The following TRAT1 variants were observed in gnomAD, a reference collection of about 807,000 sequenced individuals.
TRAT1 encodes the protein T-cell receptor-associated transmembrane adapter 1.
TRAT1 carries 20 observed loss-of-function variants against 20.0 expected under a neutral mutation model. The ratio of observed to expected loss-of-function variants is 1.00; its 90% CI spans 0.70 to 1.45. The LOEUF (loss-of-function observed/expected upper bound fraction) is 1.45, where lower values mean the gene tolerates loss of function less well. Ranked by LOEUF, TRAT1 falls within the 40% of genes most tolerant of loss-of-function variation. The pLI is 0.00. For missense variants in TRAT1, 237 were observed against 224.1 expected, an observed-to-expected ratio of 1.06 and a Z score of -0.37; for synonymous variants, 77 against 74.2, an observed-to-expected ratio of 1.04 and a Z score of -0.20.
intron 1 of TRAT1, 28 bp from the exon 2 acceptor site, chr3:108,830,642 T>C: frequency 7.0e-7 from 1 of 1,438,130 alleles, no homozygotes; most frequent in Non-Finnish European, 9.8e-7. Flanking sequence ...AGCTGTTATA[T>C]TATGTGTATG....
At chr3:108,848,768 T>C (rs1016068489) in intron 4 of TRAT1, among the ~76,000 whole-genome samples, 1 of 152,256 alleles carries the variant, frequency 6.6e-6, no homozygotes, top group African/African-American at 2.4e-5. Context: ...TAATCACTGA[T>C]GTATGTGCAC....
At position 108,837,780 on chromosome 3, in the gene TRAT1, T is replaced by C. The variant is rs149274916; in HGVS notation, c.119-1154T>C. ...CATTGTGCTGTATGTGTGCATCTAG[T>C]TCAACAGTAAAGAAAATTTACTGAT... On this transcript the variant is annotated intron_variant, in intron 2 of 5. Coordinates refer to ENST00000295756, the MANE Select transcript of TRAT1 (RefSeq NM_016388.4). 2.0e-4 allele frequency among the ~76,000 whole-genome samples: 30 copies of C among 152,292 alleles called. 1 individual carries two copies. In the East Asian group the frequency reaches 5.4e-3, roughly 27 times the overall value.
At chr3:108,838,832 T>A (rs1945865236) in intron 2 of TRAT1, 102 bp from the exon 3 acceptor site, 2 of 887,546 alleles carry the variant, frequency 2.3e-6, no homozygotes, top group Admixed American at 3.7e-5. Context: ...TCAAATATAT[T>A]AATTGACATT....
chr3:108,854,097 C>A lies in TRAT1; in HGVS notation c.*220C>A. On this transcript the variant is annotated 3_prime_UTR_variant, in exon 6 of 6. Transcript: ENST00000295756. The stretch of plus-strand genomic sequence containing the variant: ...AAATAACTTAAAAAATGCTTTACTA[C>A]TAAAATGTAAAAAATTAATGTGCTC... The A allele has an allele frequency of 2.2e-6, 1 of 452,134 alleles. No homozygotes were observed. The highest frequency in any genetic ancestry group is 5.1e-5 in the South Asian group (1 of 19,652). 28.0% of individuals were successfully genotyped at this position (452,134 alleles called of 1,614,324 possible). A position where few individuals can be genotyped will look rare whatever the true frequency, so the allele number is the denominator to read the frequency against.
intron 3 of TRAT1, among the ~76,000 whole-genome samples, chr3:108,840,861 A>C (rs1027419457): frequency 6.6e-5 from 10 of 152,242 alleles, no homozygotes; most frequent in Non-Finnish European, 1.0e-4. Flanking sequence ...ATAGTTCCCC[A>C]AGCCTCAGAA....
chr3:108,836,270 TA>T (rs1258172199), intron 2 of TRAT1, among the ~76,000 whole-genome samples: 24 of 152,306 alleles, frequency 1.6e-4, no homozygotes, highest in African/African-American at 5.1e-4. Flanking sequence ...CCAGCGTTCA[TA>T]CTTCAAGCAC....
At chr3:108,848,430 A>T (rs924099872) in intron 4 of TRAT1, among the ~76,000 whole-genome samples, 4 of 152,344 alleles carry the variant, frequency 2.6e-5, no homozygotes, top group Admixed American at 2.6e-4. Context: ...CTGTCAGGTT[A>T]CTGGCCATCC....
At chr3:108,840,904 C>T (rs1270263690) in intron 3 of TRAT1, among the ~76,000 whole-genome samples, 1 of 152,264 alleles carries the variant, frequency 6.6e-6, no homozygotes, top group Non-Finnish European at 1.5e-5. Context: ...ACTCATCTTC[C>T]TGTTCCCCAC....
chr3:108,828,540 T>C (rs574600655), intron 1 of TRAT1, among the ~76,000 whole-genome samples: 2 of 152,268 alleles, frequency 1.3e-5, no homozygotes, highest in Admixed American at 6.5e-5. Flanking sequence ...AGCAAAAATG[T>C]ACCAGTTCTT....
intron 3 of TRAT1, among the ~76,000 whole-genome samples, chr3:108,840,859 C>G (rs778793399): frequency 8.5e-5 from 13 of 152,204 alleles, no homozygotes; most frequent in Non-Finnish European, 1.9e-4. Context: ...AGATAGTTCC[C>G]CAAGCCTCAG....
rs540426937 is a variant in TRAT1 at position 108,844,210 on chromosome 3, C to T, written c.153-2858C>T. Among the ~76,000 whole-genome samples, 5 of 152,196 alleles carry T rather than the reference C, an allele frequency of 3.3e-5. No individual in the cohort carries two copies. In the South Asian group the frequency reaches 1.0e-3, roughly 32 times the overall value. ...GGAATCCTGCATTTGTATTCTAGAA[C>T]TTGGGAACTGAAAAGAACAATAGAA... On this transcript the variant is annotated intron_variant, in intron 3 of 5. Transcript: ENST00000295756.
chr3:108,850,587 A>C (rs1945990121), intron 5 of TRAT1, among the ~76,000 whole-genome samples: 1 of 152,224 alleles, frequency 6.6e-6, no homozygotes, highest in South Asian at 2.1e-4. Flanking sequence ...TACAGGCATG[A>C]GCCATCGTGC....
At chr3:108,846,877 G>A (rs541572906) in intron 3 of TRAT1, among the ~76,000 whole-genome samples, 191 bp from the exon 4 acceptor site, 9 of 152,000 alleles carry the variant, frequency 5.9e-5, no homozygotes, top group Non-Finnish European at 1.2e-4. Flanking sequence ...AAATTCACAC[G>A]GAACACAGAT....
At position 108,822,914 on chromosome 3, in the gene TRAT1, TG is replaced by T; in HGVS notation, c.-13del. ...TCTTATGGCTAGATAAAGATTTCTC[TG>T]AAAAAAAGAAGCATGTCAGGTAAGT... On this transcript the variant is annotated 5_prime_UTR_variant, in exon 1 of 6. Transcript: ENST00000295756. 1 of 1,607,880 alleles carries T rather than the reference TG, an allele frequency of 6.2e-7. No individual in the cohort carries two copies. Among genetic ancestry groups the T allele is most frequent in the Non-Finnish European group, 8.5e-7 (1 of 1,175,876 alleles).
At chr3:108,830,478 G>A (rs998345879) in intron 1 of TRAT1, among the ~76,000 whole-genome samples, 192 bp from the exon 2 acceptor site, 4 of 152,146 alleles carry the variant, frequency 2.6e-5, no homozygotes, top group African/African-American at 9.7e-5. Context: ...TTTTGCCCAT[G>A]CTGAATTCAG....
chr3:108,838,348 T>A (rs1303288545), intron 2 of TRAT1, among the ~76,000 whole-genome samples: 2 of 39,834 alleles, frequency 5.0e-5, no homozygotes, highest in East Asian at 5.1e-4. Context: ...ATGATAGATA[T>A]AGATAGATGA....
intron 2 of TRAT1, among the ~76,000 whole-genome samples, chr3:108,833,821 C>T (rs1348633640): frequency 6.6e-6 from 1 of 151,952 alleles, no homozygotes; most frequent in Non-Finnish European, 1.5e-5. Flanking sequence ...CACACACACA[C>T]ACACACACAC....
chr3:108,844,608 G>A lies in TRAT1; in HGVS notation c.153-2460G>A, dbSNP rs184610093. Among the ~76,000 whole-genome samples the A allele has an allele frequency of 1.9e-3, 285 of 151,740 alleles. 2 individuals are homozygous for A. Among genetic ancestry groups the A allele is most frequent in the African/African-American group, 6.6e-3 (276 of 41,508 alleles). Reference sequence around the variant, plus strand: ...GCCTATAATCCCAGCACTTTGGGAGGCCGAGGCGGGCAGATAATGAGGTCA... The same window carrying A: ...GCCTATAATCCCAGCACTTTGGGAGACCGAGGCGGGCAGATAATGAGGTCA... On this transcript the variant is annotated intron_variant, in intron 3 of 5. Coordinates refer to ENST00000295756, the MANE Select transcript of TRAT1 (RefSeq NM_016388.4).
chr3:108,824,125 C>T (rs1448963397), intron 1 of TRAT1, among the ~76,000 whole-genome samples: 2 of 152,150 alleles, frequency 1.3e-5, no homozygotes, highest in Non-Finnish European at 2.9e-5. Context: ...CCGCCTTGGC[C>T]TCCCAAAGTG....
Sources: gnomAD v4.1 joint callset for allele counts (sites outside exome capture counted in the v4.1 genomes callset) on GRCh38, gnomAD v4.1.1 for gene constraint, MANE v1.5 for transcripts, NCBI Gene and HGNC (gene_info 2026-07-23, HGNC 2026-07-21) for gene names.